The following THADA variants were observed in gnomAD, a reference collection of about 807,000 sequenced individuals.
THADA encodes THADA armadillo repeat containing.
In THADA, 213 loss-of-function variants were observed where a neutral mutation model predicts 219.8. That is an observed-to-expected ratio of 0.97 (90% CI 0.87 to 1.09). THADA has a LOEUF of 1.09. Among genes scored for constraint, THADA ranks in the 50% least tolerant of loss-of-function variants. THADA has a pLI of 0.00. For missense variants in THADA, 2,956 were observed against 2,311.3 expected (o/e 1.28, Z -5.72); for synonymous variants, 1,018 against 828.9 (o/e 1.23, Z -3.92).
chr2:43,508,097 C>T (rs1219822293), intron 23 of THADA, among the ~76,000 whole-genome samples: 2 of 151,952 alleles, frequency 1.3e-5, no homozygotes, highest in Non-Finnish European at 1.5e-5. Context: ...CGTACCTAAA[C>T]CCCAGTCTCT....
intron 29 of THADA, among the ~76,000 whole-genome samples, chr2:43,373,235 C>T (rs1447133586): frequency 1.3e-5 from 2 of 152,096 alleles, no homozygotes; most frequent in Non-Finnish European, 1.5e-5. Flanking sequence ...ATTTAAAATA[C>T]AATATATAAC....
intron 30 of THADA, among the ~76,000 whole-genome samples, chr2:43,329,873 G>A (rs1291371056): frequency 6.6e-6 from 1 of 152,214 alleles, no homozygotes. Flanking sequence ...TCAACGTGGC[G>A]ATTATGTTGA....
intron 36 of THADA, among the ~76,000 whole-genome samples, chr2:43,236,777 G>A (rs972839911): frequency 3.3e-5 from 5 of 151,914 alleles, no homozygotes; most frequent in South Asian, 2.1e-4. Flanking sequence ...TAAAGACAGC[G>A]TGGGCCGGGC....
At chr2:43,273,270 C>CAACAAA (rs1159956117) in intron 36 of THADA, among the ~76,000 whole-genome samples, 220 of 115,910 alleles carry the variant, frequency 1.9e-3, no homozygotes, top group African/African-American at 7.0e-3. Flanking sequence ...ACAACAACAA[C>CAACAAA]AAAAAAAAAA....
intron 21 of THADA, among the ~76,000 whole-genome samples, chr2:43,533,568 G>C (rs1280298582): frequency 1.3e-5 from 2 of 152,168 alleles, no homozygotes; most frequent in Non-Finnish European, 2.9e-5. Flanking sequence ...CACAAAAAAA[G>C]AATGAGTTCA....
chr2:43,263,025 C>T (rs888718429), intron 36 of THADA, among the ~76,000 whole-genome samples: 1 of 152,196 alleles, frequency 6.6e-6, no homozygotes, highest in Non-Finnish European at 1.5e-5. Context: ...AGCAGGGCAT[C>T]CTTGGCCTTT....
intron 24 of THADA, among the ~76,000 whole-genome samples, chr2:43,499,366 C>G (rs955730771): frequency 1.3e-5 from 2 of 151,958 alleles, no homozygotes; most frequent in Non-Finnish European, 2.9e-5. Flanking sequence ...TTAAAAAAAA[C>G]TTTATTTTTT....
intron 28 of THADA, among the ~76,000 whole-genome samples, chr2:43,424,572 T>C (rs1300042217): frequency 6.6e-6 from 1 of 152,252 alleles, no homozygotes; most frequent in Non-Finnish European, 1.5e-5. Flanking sequence ...GGTTTTATGA[T>C]CAGCCTTCCA....
chr2:43,502,845 T>C lies in THADA; in HGVS notation c.3621+2777A>G, dbSNP rs530910243. 9.9e-5 allele frequency among the ~76,000 whole-genome samples: 15 copies of C among 152,068 alleles called. No individual in the cohort carries two copies. The South Asian group carries it at 3.1e-3, about 32-fold the overall frequency. ...GAAATCAATATCAAGAAAATATTTT[T>C]GAAACAACAATAAAAATCCAACTCC... is the stretch of plus-strand genomic sequence containing the variant. On this transcript the variant is annotated intron_variant, in intron 24 of 37. Coordinates refer to ENST00000405975, the MANE Select transcript of THADA (RefSeq NM_022065.5).
chr2:43,459,232 C>T (rs887018094), intron 26 of THADA, among the ~76,000 whole-genome samples: 3 of 152,160 alleles, frequency 2.0e-5, no homozygotes, highest in Non-Finnish European at 2.9e-5. Context: ...CTGACTTTTG[C>T]ACGGGAGCAG....
At chr2:43,311,021 A>G (rs1200787949) in intron 31 of THADA, among the ~76,000 whole-genome samples, 1 of 152,188 alleles carries the variant, frequency 6.6e-6, no homozygotes, top group African/African-American at 2.4e-5. Context: ...TACTAAAAAT[A>G]CAAAATTAGC....
At chr2:43,592,255 A>G in intron 2 of THADA, 62 bp downstream of exon 2, 1 of 1,279,338 alleles carries the variant, frequency 7.8e-7, no homozygotes, top group Non-Finnish European at 1.1e-6. Context: ...GGTCCCAGTC[A>G]TTAAAATACT....
intron 28 of THADA, among the ~76,000 whole-genome samples, chr2:43,405,145 GT>G (rs1675376738): frequency 6.6e-6 from 1 of 152,180 alleles, no homozygotes; most frequent in Non-Finnish European, 1.5e-5. Context: ...ACTTGTTTAT[GT>G]GAAGCCCATT....
chr2:43,381,150 G>A (rs1208404750), intron 29 of THADA, among the ~76,000 whole-genome samples: 2 of 145,282 alleles, frequency 1.4e-5, no homozygotes, highest in East Asian at 2.0e-4. Context: ...CTGAAAGGAT[G>A]AAGGCATGTC....
chr2:43,590,484 G>A (rs1701435161), intron 4 of THADA, among the ~76,000 whole-genome samples: 2 of 151,838 alleles, frequency 1.3e-5, no homozygotes, highest in Admixed American at 1.3e-4. Context: ...AGACCATCCT[G>A]GCTATCATGG....
chr2:43,441,401 G>C (rs1680825084), intron 26 of THADA, among the ~76,000 whole-genome samples: 2 of 152,090 alleles, frequency 1.3e-5, no homozygotes, highest in Admixed American at 6.5e-5. Context: ...GTAAAGACTT[G>C]GTTAAATATT....
At chr2:43,441,369 A>G (rs985797116) in intron 26 of THADA, among the ~76,000 whole-genome samples, 1 of 152,200 alleles carries the variant, frequency 6.6e-6, no homozygotes, top group Non-Finnish European at 1.5e-5. Flanking sequence ...CATCATCTCA[A>G]CTCTGCATTA....
intron 30 of THADA, among the ~76,000 whole-genome samples, chr2:43,341,563 A>G (rs957828351): frequency 6.6e-6 from 1 of 152,150 alleles, no homozygotes; most frequent in Non-Finnish European, 1.5e-5. Context: ...CTCATCCAAC[A>G]AGAGGTAATG....
Position 43,590,832 on chromosome 2 carries a change from T to C in THADA, c.294A>G (p.Val98=). The change falls in exon 4 of 38, where the codon GTA becomes GTG. Residue 98 remains valine (V), a synonymous_variant. Coordinates refer to ENST00000405975, the MANE Select transcript of THADA (RefSeq NM_022065.5). ...CTTCCTTTTTTTCTTACCTTGCCAA[T>C]ACTTTCTTCAAGGGATTCTTTAGAC... ...SLSLKNPLKK[V]LASSLNSLPD... 1 of 1,612,924 alleles carries C rather than the reference T, an allele frequency of 6.2e-7. No homozygotes were observed. The highest frequency in any genetic ancestry group is 1.1e-5 in the South Asian group (1 of 90,752).
Sources: gnomAD v4.1 joint callset for allele counts (sites outside exome capture counted in the v4.1 genomes callset) on GRCh38, gnomAD v4.1.1 for gene constraint, MANE v1.5 for transcripts, NCBI Gene and HGNC (gene_info 2026-07-23, HGNC 2026-07-21) for gene names.